FABP6: variants seen among roughly 807,000 people sequenced by gnomAD.
FABP6 encodes gastrotropin.
Under a neutral mutation model 14.9 loss-of-function variants are expected in FABP6, and 13 were observed. The ratio of observed to expected loss-of-function variants is 0.87; its 90% CI spans 0.57 to 1.39. The LOEUF is 1.39. Ranked by LOEUF, FABP6 falls within the 40% of genes most tolerant of loss-of-function variation. FABP6 has a pLI of 0.00. For missense variants in FABP6, 161 were observed against 167.2 expected (o/e 0.96, Z 0.20); for synonymous variants, 75 against 63.6 (o/e 1.18, Z -0.85).
chr5:160,224,930 G>T (rs962594302), upstream of FABP6, among the ~76,000 whole-genome samples: 1 of 151,236 alleles, frequency 6.6e-6, no homozygotes, highest in African/African-American at 2.4e-5. Context: ...GGCACGTGCC[G>T]TCATGCCTAG....
chr5:160,207,694 G>C (rs1285039056), intron 2 of FABP6, among the ~76,000 whole-genome samples: 4 of 150,996 alleles, frequency 2.6e-5, no homozygotes, highest in Admixed American at 6.6e-5. Flanking sequence ...TTACATATGA[G>C]AGACGGGACT....
chr5:160,201,636 C>G (rs181950194), intron 2 of FABP6, among the ~76,000 whole-genome samples: 70 of 151,864 alleles, frequency 4.6e-4, no homozygotes, highest in Non-Finnish European at 8.4e-4. Flanking sequence ...ATTCCCTCTC[C>G]CCTTCTCATT....
At chr5:160,209,928 A>G (rs1296111783) in intron 2 of FABP6, among the ~76,000 whole-genome samples, 2 of 152,172 alleles carry the variant, frequency 1.3e-5, no homozygotes, top group African/African-American at 4.8e-5. Context: ...CATTTTAATC[A>G]AAAGTATAAT....
chr5:160,230,006 TGGGATTACA>T (rs1760341969), intron 1 of FABP6, among the ~76,000 whole-genome samples: 1 of 150,976 alleles, frequency 6.6e-6, no homozygotes, highest in Non-Finnish European at 1.5e-5. Context: ...CCCGAGTAGC[TGGGATTACA>T]GGTGTGCACC....
At chr5:160,238,342 G>A (rs1760563871) in intron 3 of FABP6, among the ~76,000 whole-genome samples, 1 of 152,160 alleles carries the variant, frequency 6.6e-6, no homozygotes, top group Non-Finnish European at 1.5e-5. Context: ...CAGGGTAACA[G>A]CCTGACATGG....
intron 2 of FABP6, among the ~76,000 whole-genome samples, 155 bp downstream of exon 2, chr5:160,232,428 T>G (rs1760410926): frequency 6.6e-6 from 1 of 152,226 alleles, no homozygotes; most frequent in African/African-American, 2.4e-5. Context: ...ATGCTCCTGA[T>G]TTTTAATGGT....
chr5:160,209,612 A>G (rs1299685965), intron 2 of FABP6, among the ~76,000 whole-genome samples: 1 of 152,212 alleles, frequency 6.6e-6, no homozygotes, highest in African/African-American at 2.4e-5. Context: ...TATTCTACAG[A>G]GAGTCCCCAC....
At chr5:160,224,919 A>C (rs890866633), upstream of FABP6, among the ~76,000 whole-genome samples, 34 of 151,786 alleles carry the variant, frequency 2.2e-4, no homozygotes, top group Admixed American at 1.1e-3. Flanking sequence ...CTGGAAATAC[A>C]GGCACGTGCC....
chr5:160,212,833 T>A (rs1473553764), intron 2 of FABP6, among the ~76,000 whole-genome samples: 1 of 152,086 alleles, frequency 6.6e-6, no homozygotes, highest in Non-Finnish European at 1.5e-5. Context: ...GCCAGGCTGG[T>A]TTTGAACTGC....
intron 2 of FABP6, among the ~76,000 whole-genome samples, chr5:160,202,913 T>G (rs1477176234): frequency 2.6e-5 from 4 of 152,148 alleles, no homozygotes; most frequent in Admixed American, 6.5e-5. Flanking sequence ...CTGGGCTTTT[T>G]TTTTTGAGAT....
rs140752319 is a variant in FABP6 at position 160,233,978 on chromosome 5, C to T, written c.244-842C>T. 4.3e-3 allele frequency among the ~76,000 whole-genome samples: 660 copies of T among 152,176 alleles called. 3 individuals carry two copies. The highest frequency in any genetic ancestry group is 0.014 in the African/African-American group (599 of 41,526). On this transcript the variant is annotated intron_variant, in intron 2 of 3. Transcript: ENST00000402432. ...ACATGGTGGGACCAGGGATTTGAAC[C>T]CCAGCTATTTGCCTCTATCATTAGG...
intron 3 of FABP6, among the ~76,000 whole-genome samples, chr5:160,214,792 AAAAGAAAG>A (rs372578232): frequency 7.1e-6 from 1 of 140,204 alleles, no homozygotes; most frequent in Non-Finnish European, 1.6e-5. Context: ...TGTCTCTATA[AAAAGAAAG>A]AAAGAAAGAA....
chr5:160,191,385 T>C (rs1258482357), intron 1 of FABP6, among the ~76,000 whole-genome samples: 4 of 151,782 alleles, frequency 2.6e-5, no homozygotes, highest in Non-Finnish European at 1.5e-5. Context: ...GAGAATCGCT[T>C]GAAACCGGGA....
At chr5:160,216,694 C>G (rs530870042) in intron 3 of FABP6, among the ~76,000 whole-genome samples, 1 of 152,346 alleles carries the variant, frequency 6.6e-6, no homozygotes, top group East Asian at 1.9e-4. Flanking sequence ...TAATCAATGA[C>G]TGGTTGTGTA....
upstream of FABP6, among the ~76,000 whole-genome samples, chr5:160,225,500 C>T (rs1039825101): frequency 2.7e-5 from 4 of 149,438 alleles, no homozygotes; most frequent in Non-Finnish European, 4.4e-5. Flanking sequence ...CTCCTGGGTT[C>T]AAGCGATTCT....
Position 160,232,306 on chromosome 5 carries a change from C to T in FABP6, c.243+33C>T, listed in dbSNP as rs376690805. 43 of 1,552,414 alleles carry T rather than the reference C, an allele frequency of 2.8e-5. No homozygotes were observed. The African/African-American group carries it at 5.3e-4, about 19-fold the overall frequency. On this transcript the variant is annotated intron_variant, in intron 2 of 3. Transcript: ENST00000402432. ...GCCACTGGCTGTCCCCCTCCTTCCC[C>T]AGGCCTCCATCTGACTTCTCCTTCT...
At chr5:160,237,644 C>T (rs1379295414) in intron 3 of FABP6, among the ~76,000 whole-genome samples, 1 of 152,104 alleles carries the variant, frequency 6.6e-6, no homozygotes, top group African/African-American at 2.4e-5. Context: ...CCATCCATCC[C>T]ATATGCAAAT....
rs1156352208 is a variant in FABP6 at position 160,198,034 on chromosome 5, G to A, written c.-58-1015G>A. Reference sequence around the variant, plus strand: ...TGGGGGAAGGAGCTGGAGAGGGAAGGGAGAAGGAGAGAAGAAGGGGGAAGG... The same window carrying A: ...TGGGGGAAGGAGCTGGAGAGGGAAGAGAGAAGGAGAGAAGAAGGGGGAAGG... On this transcript the variant is annotated intron_variant, in intron 1 of 6. Coordinates refer to the FABP6 transcript ENST00000393980. The A allele has an allele frequency of 4.6e-5, 7 of 153,554 alleles. No homozygotes were observed. In the East Asian group the frequency reaches 1.3e-3, roughly 29 times the overall value. 9.5% of individuals were successfully genotyped at this position (153,554 alleles called of 1,614,324 possible).
intron 1 of FABP6, among the ~76,000 whole-genome samples, chr5:160,230,517 C>T (rs992327736): frequency 5.9e-5 from 9 of 152,192 alleles, no homozygotes; most frequent in East Asian, 5.8e-4. Context: ...TGTGCCACCA[C>T]ATCTGGCTAA....
Sources: gnomAD v4.1 joint callset for allele counts (sites outside exome capture counted in the v4.1 genomes callset) on GRCh38, gnomAD v4.1.1 for gene constraint, MANE v1.5 for transcripts, NCBI Gene and HGNC (gene_info 2026-07-23, HGNC 2026-07-21) for gene names.